ARHGEF10L: variants seen among roughly 807,000 people sequenced by gnomAD.
ARHGEF10L encodes the protein rho guanine nucleotide exchange factor 10-like protein.
ARHGEF10L carries 69 observed loss-of-function variants against 141.2 expected under a neutral mutation model. The ratio of observed to expected loss-of-function variants is 0.49; its 90% CI spans 0.40 to 0.60. The LOEUF (loss-of-function observed/expected upper bound fraction) is 0.60, where lower values mean the gene tolerates loss of function less well. Among genes scored for constraint, ARHGEF10L ranks in the 20% least tolerant of loss-of-function variants. The pLI is 0.00. For missense variants in ARHGEF10L, 1,482 were observed against 1,734.3 expected, an observed-to-expected ratio of 0.85 and a Z score of 2.58; for synonymous variants, 711 against 718.5, an observed-to-expected ratio of 0.99 and a Z score of 0.17.
chr1:17,624,791 G>C (rs1049256486), intron 13 of ARHGEF10L, among the ~76,000 whole-genome samples: 2 of 152,218 alleles, frequency 1.3e-5, no homozygotes, highest in African/African-American at 4.8e-5. Flanking sequence ...GCCCTGGTGA[G>C]TGGGTGGGTC....
intron 1 of ARHGEF10L, among the ~76,000 whole-genome samples, chr1:17,540,450 G>A (rs896285764): frequency 6.6e-6 from 1 of 152,136 alleles, no homozygotes; most frequent in African/African-American, 2.4e-5. Flanking sequence ...GAGACTGTGG[G>A]AGGAGAGGAT....
At chr1:17,553,591 G>C (rs975550979) in intron 1 of ARHGEF10L, among the ~76,000 whole-genome samples, 2 of 152,014 alleles carry the variant, frequency 1.3e-5, no homozygotes, top group Non-Finnish European at 2.9e-5. Flanking sequence ...AGACCAGCCT[G>C]GGCAACATAG....
intron 25 of ARHGEF10L, among the ~76,000 whole-genome samples, chr1:17,660,464 G>A (rs956072346): frequency 6.6e-5 from 10 of 152,188 alleles, no homozygotes; most frequent in Admixed American, 2.0e-4. Flanking sequence ...CGAGTGCCGC[G>A]ACACAGCCTG....
chr1:17,645,694 C>T (rs1007749028), intron 21 of ARHGEF10L, among the ~76,000 whole-genome samples: 7 of 152,320 alleles, frequency 4.6e-5, no homozygotes, highest in African/African-American at 1.4e-4. Context: ...CTAGCAGAGG[C>T]TAGGAGAGCC....
At chr1:17,563,307 T>C (rs2077619742) in intron 1 of ARHGEF10L, among the ~76,000 whole-genome samples, 1 of 151,714 alleles carries the variant, frequency 6.6e-6, no homozygotes, top group Non-Finnish European at 1.5e-5. Context: ...CCATCTTGGC[T>C]CACTGCACCC....
At chr1:17,636,161 G>A (rs543247553) in intron 18 of ARHGEF10L, among the ~76,000 whole-genome samples, 4 of 152,250 alleles carry the variant, frequency 2.6e-5, no homozygotes, top group East Asian at 3.9e-4. Flanking sequence ...CTGGTCATGC[G>A]GTCTAGCATC....
At chr1:17,622,530 C>T (rs941653986) in intron 11 of ARHGEF10L, among the ~76,000 whole-genome samples, 1 of 152,114 alleles carries the variant, frequency 6.6e-6, no homozygotes, top group African/African-American at 2.4e-5. Flanking sequence ...GCTAATGATA[C>T]CCTCTCTTCC....
chr1:17,632,195 C>A, intron 15 of ARHGEF10L, 126 bp from the exon 16 acceptor site: 1 of 1,219,378 alleles, frequency 8.2e-7, no homozygotes, highest in Non-Finnish European at 1.2e-6. Context: ...GAGGGAGTGG[C>A]TTCATCTCCT....
chr1:17,584,609 T>C (rs1395443281), intron 2 of ARHGEF10L, among the ~76,000 whole-genome samples: 1 of 152,168 alleles, frequency 6.6e-6, no homozygotes, highest in Non-Finnish European at 1.5e-5. Context: ...TCAGCAGGTC[T>C]CTATGGCAGC....
At chr1:17,693,417 C>T (rs1034024329) in intron 27 of ARHGEF10L, among the ~76,000 whole-genome samples, 1 of 152,180 alleles carries the variant, frequency 6.6e-6, no homozygotes, top group African/African-American at 2.4e-5. Context: ...CTGTGTTAGG[C>T]AATGCTGGGT....
At chr1:17,685,655 CACG>C (rs775583516) in intron 26 of ARHGEF10L, among the ~76,000 whole-genome samples, 2 of 152,260 alleles carry the variant, frequency 1.3e-5, no homozygotes, top group Non-Finnish European at 2.9e-5. Flanking sequence ...TTGCAGTCAT[CACG>C]ACATTTCCAG....
At chr1:17,559,294 T>G (rs1389189050) in intron 1 of ARHGEF10L, among the ~76,000 whole-genome samples, 1 of 152,130 alleles carries the variant, frequency 6.6e-6, no homozygotes, top group Non-Finnish European at 1.5e-5. Context: ...ATGGTAAGTA[T>G]CGACACAAGG....
At chr1:17,663,459 A>G (rs532407674) in intron 25 of ARHGEF10L, among the ~76,000 whole-genome samples, 3 of 152,088 alleles carry the variant, frequency 2.0e-5, no homozygotes, top group Admixed American at 2.0e-4. Context: ...AGGCTGAGGC[A>G]AGAGAATCGC....
intron 7 of ARHGEF10L, among the ~76,000 whole-genome samples, chr1:17,610,274 A>G (rs1228114017): frequency 2.0e-5 from 3 of 152,132 alleles, no homozygotes; most frequent in African/African-American, 4.8e-5. Flanking sequence ...CCCAGGGGGT[A>G]TAAGGGGCCC....
intron 3 of ARHGEF10L, 94 bp downstream of exon 3, chr1:17,587,739 C>T (rs1196862408): frequency 7.4e-7 from 1 of 1,350,894 alleles, no homozygotes; most frequent in Admixed American, 2.4e-5. Flanking sequence ...CTGGTGGCCC[C>T]TCCGCTGTCC....
At chr1:17,582,789 C>G (rs71644059) in intron 2 of ARHGEF10L, among the ~76,000 whole-genome samples, 24,602 of 152,110 alleles carry the variant, frequency 0.16, 2,419 homozygotes, top group Middle Eastern at 0.26. Context: ...GTCAGCCTCA[C>G]AGTGAGCTCC....
rs1359451070 is a variant in ARHGEF10L at position 17,673,896 on chromosome 1, A to G, written c.3009+9301A>G. Among the ~76,000 whole-genome samples, 1 of 152,156 alleles carries G rather than the reference A, an allele frequency of 6.6e-6. No individual in the cohort carries two copies. The highest frequency in any genetic ancestry group is 1.5e-5 in the Non-Finnish European group (1 of 68,026). On this transcript the variant is annotated intron_variant, in intron 26 of 28. Transcript: ENST00000361221. The surrounding 1 kb of genome is among the most constrained non-coding windows in gnomAD (Gnocchi z 4.1). ...TGTCAGTTGTTGTGTCATTGTGGTC[A>G]CAGGACTTGCTCAGGGTGACTGGGA...
At chr1:17,674,192 C>A (rs893454682) in intron 26 of ARHGEF10L, among the ~76,000 whole-genome samples, 1 of 152,028 alleles carries the variant, frequency 6.6e-6, no homozygotes, top group East Asian at 1.9e-4. Flanking sequence ...CCTTTTTTCC[C>A]ACGCCAGCTC....
chr1:17,568,116 T>C (rs2077836850), intron 1 of ARHGEF10L, among the ~76,000 whole-genome samples: 1 of 152,156 alleles, frequency 6.6e-6, no homozygotes, highest in Admixed American at 6.5e-5. Flanking sequence ...AGTGCCTTCC[T>C]GGAGGGCAGT....
Sources: allele counts gnomAD v4.1 joint callset (sites outside exome capture counted in the v4.1 genomes callset), GRCh38; gene constraint gnomAD v4.1.1; non-coding constraint Gnocchi (gnomAD v3.1); transcripts MANE v1.5; gene names NCBI Gene and HGNC (gene_info 2026-07-23, HGNC 2026-07-21).